PLXNA4: variants seen among roughly 807,000 people sequenced by gnomAD.
PLXNA4 encodes plexin A4.
In PLXNA4, 44 loss-of-function variants were observed where a neutral mutation model predicts 191.8. That is an observed-to-expected ratio of 0.23 (90% CI 0.18 to 0.29). PLXNA4 has a LOEUF of 0.29. PLXNA4 is among the 10% of genes least tolerant of loss of function. The probability of loss-of-function intolerance (pLI) is 1.00; values close to 1 mark genes in which losing one functional copy is unlikely to be tolerated. For missense variants in PLXNA4, 1,800 were observed against 2,488.8 expected (o/e 0.72, Z 5.89); for synonymous variants, 1,082 against 1,009.5 (o/e 1.07, Z -1.36).
chr7:132,196,224 T>C (rs1797249866), intron 13 of PLXNA4, among the ~76,000 whole-genome samples: 1 of 152,272 alleles, frequency 6.6e-6, no homozygotes, highest in Admixed American at 6.5e-5. Context: ...GCCAGGGCTC[T>C]AGTCCCAGGA....
intron 21 of PLXNA4, 145 bp from the exon 22 acceptor site, chr7:132,168,717 G>T (rs1264646489): frequency 8.3e-7 from 1 of 1,211,962 alleles, no homozygotes; most frequent in East Asian, 2.7e-5. Context: ...CAAGCCCTTA[G>T]CACTGAGTTA....
intron 1 of PLXNA4, among the ~76,000 whole-genome samples, chr7:132,561,516 C>T (rs1585339171): frequency 1.5e-5 from 2 of 129,972 alleles, no homozygotes; most frequent in Admixed American, 7.5e-5. Flanking sequence ...TCCTCCTCCT[C>T]CTTCTCCTCC....
chr7:132,271,366 A>C (rs533675610), intron 4 of PLXNA4: 2 of 151,380 alleles, frequency 1.3e-5, no homozygotes, highest in East Asian at 1.9e-4. Context: ...TCACAATAAA[A>C]CCTTACACTG....
chr7:132,164,434 C>T (rs1157955856), intron 23 of PLXNA4, 146 bp from the exon 24 acceptor site: 6 of 1,271,522 alleles, frequency 4.7e-6, no homozygotes, highest in Non-Finnish European at 6.3e-6. Context: ...TCTTCAATCT[C>T]CTTCTCTCCA....
chr7:132,431,060 T>C (rs1229274281), intron 3 of PLXNA4, among the ~76,000 whole-genome samples: 1 of 152,188 alleles, frequency 6.6e-6, no homozygotes, highest in Non-Finnish European at 1.5e-5. Flanking sequence ...CAGTCCTTTC[T>C]AGAACCCAGT....
At chr7:132,132,473 C>T (rs111863426) in intron 31 of PLXNA4, among the ~76,000 whole-genome samples, 6,719 of 49,214 alleles carry the variant, frequency 0.14, 568 homozygotes, top group African/African-American at 0.22. Flanking sequence ...TTCTGCTCTG[C>T]TCTGCTCTGC....
intron 30 of PLXNA4, among the ~76,000 whole-genome samples, chr7:132,136,335 G>T (rs76874722): frequency 0.031 from 4,780 of 152,288 alleles, 167 homozygotes; most frequent in Non-Finnish European, 0.041. Context: ...GAAGGGAAAG[G>T]GGAACCTGGG....
chr7:132,319,122 A>G (rs918544007), intron 3 of PLXNA4, among the ~76,000 whole-genome samples: 2 of 152,106 alleles, frequency 1.3e-5, no homozygotes, highest in Admixed American at 1.3e-4. Context: ...CCTCTCTTCC[A>G]TTCTTCTCTA....
intron 4 of PLXNA4, among the ~76,000 whole-genome samples, chr7:132,248,665 G>A (rs369915429): frequency 1.3e-5 from 2 of 152,052 alleles, no homozygotes; most frequent in Admixed American, 6.6e-5. Context: ...TACCTCCCAC[G>A]CTGGCCATGC....
At chr7:132,198,457 C>T (rs765937356) in intron 13 of PLXNA4, 28 bp downstream of exon 13, 1 of 1,609,832 alleles carries the variant, frequency 6.2e-7, no homozygotes, top group Non-Finnish European at 8.5e-7. Flanking sequence ...TCCCCTGTTC[C>T]TCCTGTGTTG....
chr7:132,587,228 T>G (rs1359967110), intron 2 of PLXNA4, among the ~76,000 whole-genome samples: 1 of 152,144 alleles, frequency 6.6e-6, no homozygotes, highest in African/African-American at 2.4e-5. Flanking sequence ...CTTTGAGAAG[T>G]AAGGCTCAAG....
At chr7:132,632,297 T>A (rs1331366246) in intron 2 of PLXNA4, among the ~76,000 whole-genome samples, 1 of 150,974 alleles carries the variant, frequency 6.6e-6, no homozygotes, top group Non-Finnish European at 1.5e-5. Flanking sequence ...GTAGAATTTC[T>A]GAAATTAGAG....
chr7:132,563,284 C>T (rs1253462186), intron 1 of PLXNA4, among the ~76,000 whole-genome samples: 1 of 126,844 alleles, frequency 7.9e-6, no homozygotes, highest in Non-Finnish European at 1.7e-5. Flanking sequence ...CCTCCTCCTT[C>T]TCCTCCTCCT....
intron 5 of PLXNA4, among the ~76,000 whole-genome samples, chr7:132,233,737 T>G (rs1798600621): frequency 6.6e-6 from 1 of 152,250 alleles, no homozygotes; most frequent in Non-Finnish European, 1.5e-5. Flanking sequence ...CAAGGCAACC[T>G]GTCCCACCAT....
At chr7:132,225,331 G>T (rs184674941) in intron 8 of PLXNA4, among the ~76,000 whole-genome samples, 3 of 152,200 alleles carry the variant, frequency 2.0e-5, no homozygotes, top group African/African-American at 7.2e-5. Context: ...AGGCAGAGCC[G>T]ATATTCAGAG....
At chr7:132,473,270 C>A (rs1585186902) in intron 3 of PLXNA4, among the ~76,000 whole-genome samples, 1 of 152,158 alleles carries the variant, frequency 6.6e-6, no homozygotes, top group Non-Finnish European at 1.5e-5. Flanking sequence ...GCTTCCTTAG[C>A]CGGACACTTT....
At chr7:132,247,370 T>C (rs1799095953) in intron 4 of PLXNA4, among the ~76,000 whole-genome samples, 1 of 152,108 alleles carries the variant, frequency 6.6e-6, no homozygotes, top group Non-Finnish European at 1.5e-5. Context: ...CCAAAAGGTT[T>C]CTTAAGTACC....
intron 24 of PLXNA4, among the ~76,000 whole-genome samples, chr7:132,161,565 G>T (rs1445481113): frequency 6.6e-6 from 1 of 152,210 alleles, no homozygotes; most frequent in East Asian, 1.9e-4. Context: ...TGGGGCCTGA[G>T]ATTCTGCATT....
chr7:132,484,379 G>A (rs948480769), intron 3 of PLXNA4, among the ~76,000 whole-genome samples: 1 of 152,228 alleles, frequency 6.6e-6, no homozygotes, highest in African/African-American at 2.4e-5. Flanking sequence ...TGGCACACCT[G>A]TGGGATCTTC....
Sources: allele counts gnomAD v4.1 joint callset (sites outside exome capture counted in the v4.1 genomes callset), GRCh38; gene constraint gnomAD v4.1.1; transcripts MANE v1.5; gene names NCBI Gene and HGNC (gene_info 2026-07-23, HGNC 2026-07-21).